Variants in PRKCB observed in about 807,000 individuals in gnomAD.
The protein encoded by PRKCB is protein kinase C beta, also known as protein kinase C beta type.
Under a neutral mutation model 81.5 loss-of-function variants are expected in PRKCB, and 13 were observed. The ratio of observed to expected loss-of-function variants is 0.16; its 90% CI spans 0.10 to 0.25. The LOEUF is 0.25. Ranked by LOEUF, PRKCB falls within the 10% of genes least tolerant of loss-of-function variation. The probability of loss-of-function intolerance (pLI) is 1.00; values close to 1 mark genes in which losing one functional copy is unlikely to be tolerated. For synonymous variants in PRKCB, 335 were observed against 321.4 expected (o/e 1.04, Z -0.45); for missense variants, 509 against 875.7 (o/e 0.58, Z 5.29).
intron 16 of PRKCB, among the ~76,000 whole-genome samples, chr16:24,213,012 A>G (rs1294013927): frequency 4.0e-5 from 5 of 126,066 alleles, no homozygotes; most frequent in African/African-American, 1.4e-4. Flanking sequence ...TTGTATATTT[A>G]TTTATTTATT....
At chr16:23,842,014 C>G (rs540168354) in intron 2 of PRKCB, among the ~76,000 whole-genome samples, 1 of 152,146 alleles carries the variant, frequency 6.6e-6, no homozygotes, top group South Asian at 2.1e-4. Context: ...TGCTTTGCTG[C>G]CTGTGCCTGG....
intron 7 of PRKCB, among the ~76,000 whole-genome samples, chr16:24,103,796 A>T (rs1020228201): frequency 2.0e-5 from 3 of 152,012 alleles, no homozygotes; most frequent in Non-Finnish European, 4.4e-5. Context: ...ATTCCAATGT[A>T]TTATAAGGTC....
chr16:24,193,460 T>TA (rs1555501759), intron 16 of PRKCB, among the ~76,000 whole-genome samples: 4 of 88,462 alleles, frequency 4.5e-5, no homozygotes, highest in African/African-American at 7.4e-5. Context: ...AATAAATAAA[T>TA]AAATAAATAA....
chr16:23,921,520 G>C (rs1270227318), intron 2 of PRKCB, among the ~76,000 whole-genome samples: 5 of 152,204 alleles, frequency 3.3e-5, no homozygotes, highest in Non-Finnish European at 7.3e-5. Flanking sequence ...AGATGTGCTA[G>C]GCCAGGCAAG....
intron 16 of PRKCB, among the ~76,000 whole-genome samples, chr16:24,204,773 A>G (rs1368974538): frequency 6.6e-6 from 1 of 152,214 alleles, no homozygotes; most frequent in Non-Finnish European, 1.5e-5. Context: ...CAAGATGTTA[A>G]CATAATACAG....
chr16:23,952,790 G>A (rs1268908555), intron 2 of PRKCB, among the ~76,000 whole-genome samples: 2 of 152,190 alleles, frequency 1.3e-5, no homozygotes, highest in African/African-American at 2.4e-5. Context: ...AATATTTACT[G>A]TACCTTTTGT....
intron 15 of PRKCB, among the ~76,000 whole-genome samples, chr16:24,188,426 G>A (rs1043605192): frequency 6.6e-6 from 1 of 152,166 alleles, no homozygotes; most frequent in Non-Finnish European, 1.5e-5. Flanking sequence ...TGCGGGAACT[G>A]GGCAGAGACT....
intron 7 of PRKCB, among the ~76,000 whole-genome samples, chr16:24,112,722 A>G (rs1474715085): frequency 6.6e-6 from 1 of 152,194 alleles, no homozygotes; most frequent in Non-Finnish European, 1.5e-5. Context: ...TTTGCCTCCT[A>G]TGTACATGTG....
intron 2 of PRKCB, among the ~76,000 whole-genome samples, chr16:23,977,103 C>A (rs1364335991): frequency 6.6e-6 from 1 of 152,154 alleles, no homozygotes; most frequent in Non-Finnish European, 1.5e-5. Context: ...AGTTTGCTAT[C>A]TCTTCCTCCC....
At chr16:24,111,284 G>A (rs754856303) in intron 7 of PRKCB, 3 of 152,228 alleles carry the variant, frequency 2.0e-5, no homozygotes, top group East Asian at 1.9e-4. Context: ...AAGAAGATTC[G>A]TGAATGGAGA....
chr16:24,154,620 AGCTGCTCATAACTG>A, intron 9 of PRKCB, 50 bp from the exon 10 acceptor site: 1 of 1,524,984 alleles, frequency 6.6e-7, no homozygotes, highest in Non-Finnish European at 9.0e-7. Context: ...AATGAACACC[AGCTGCTCATAACTG>A]GCCCCCAGAC....
At chr16:24,156,359 C>T (rs951853883) in intron 10 of PRKCB, among the ~76,000 whole-genome samples, 5 of 151,972 alleles carry the variant, frequency 3.3e-5, no homozygotes, top group African/African-American at 7.3e-5. Flanking sequence ...ACTGCAGCCT[C>T]GATCTCCCAT....
At chr16:24,006,694 A>G (rs1259007400) in intron 3 of PRKCB, among the ~76,000 whole-genome samples, 1 of 152,242 alleles carries the variant, frequency 6.6e-6, no homozygotes, top group Non-Finnish European at 1.5e-5. Flanking sequence ...TTCAAATTCC[A>G]GAAGGAGAGA....
intron 5 of PRKCB, among the ~76,000 whole-genome samples, chr16:24,071,988 A>T (rs1966113793): frequency 6.6e-6 from 1 of 152,022 alleles, no homozygotes; most frequent in Non-Finnish European, 1.5e-5. Context: ...TCAGTTTGCT[A>T]CTTGTTTATG....
At chr16:24,148,861 C>T (rs1485909813) in intron 9 of PRKCB, among the ~76,000 whole-genome samples, 2 of 152,178 alleles carry the variant, frequency 1.3e-5, no homozygotes, top group East Asian at 1.9e-4. Context: ...TATAATATTT[C>T]CTGCTTGGCC....
chr16:23,895,798 G>C (rs566935100), intron 2 of PRKCB, among the ~76,000 whole-genome samples: 16 of 152,228 alleles, frequency 1.1e-4, no homozygotes, highest in Non-Finnish European at 2.2e-4. Context: ...ATAGTGCCAG[G>C]CACATGGAAC....
At chr16:24,171,859 G>T (rs1181629139) in intron 10 of PRKCB, among the ~76,000 whole-genome samples, 1 of 151,872 alleles carries the variant, frequency 6.6e-6, no homozygotes, top group African/African-American at 2.4e-5. Flanking sequence ...TCAGCCTCCC[G>T]AGTAGCTGGG....
At chr16:24,113,938 C>T (rs773370520) in intron 8 of PRKCB, among the ~76,000 whole-genome samples, 2 of 151,738 alleles carry the variant, frequency 1.3e-5, no homozygotes, top group East Asian at 2.0e-4. Flanking sequence ...GACAGAGGGC[C>T]GGGTGCGGTG....
At chr16:23,862,873 C>A (rs1235736272) in intron 2 of PRKCB, among the ~76,000 whole-genome samples, 1 of 152,006 alleles carries the variant, frequency 6.6e-6, no homozygotes, top group African/African-American at 2.4e-5. Flanking sequence ...GTTAAGGGAA[C>A]AGATTGATAA....
Sources: gnomAD v4.1 joint callset for allele counts (sites outside exome capture counted in the v4.1 genomes callset) on GRCh38, gnomAD v4.1.1 for gene constraint, MANE v1.5 for transcripts, NCBI Gene and HGNC (gene_info 2026-07-23, HGNC 2026-07-21) for gene names.